The following SORCS2 variants were observed in gnomAD, a reference collection of about 807,000 sequenced individuals.
SORCS2 encodes the protein sortilin related VPS10 domain containing receptor 2.
In SORCS2, 100 loss-of-function variants were observed where a neutral mutation model predicts 141.6. That is an observed-to-expected ratio of 0.71 (90% CI 0.60 to 0.83). SORCS2 has a LOEUF of 0.83. Among genes scored for constraint, SORCS2 ranks in the 40% least tolerant of loss-of-function variants. The probability of loss-of-function intolerance (pLI) is 0.00; values close to 1 mark genes in which losing one functional copy is unlikely to be tolerated. For missense variants in SORCS2, 1,646 were observed against 1,560.2 expected (o/e 1.05, Z -0.93); for synonymous variants, 789 against 676.9 (o/e 1.17, Z -2.57).
At chr4:7,434,749 C>A in intron 2 of SORCS2, 3 of 1,613,142 alleles carry the variant, frequency 1.9e-6, no homozygotes, top group Non-Finnish European at 2.5e-6. Flanking sequence ...CCCCACAGCC[C>A]CGCACCTGGC....
chr4:7,203,043 G>A (rs1040750040), intron 1 of SORCS2, among the ~76,000 whole-genome samples: 6 of 152,252 alleles, frequency 3.9e-5, no homozygotes, highest in Middle Eastern at 3.4e-3. Flanking sequence ...AATAAGGTTC[G>A]GTGTGGCAGG....
chr4:7,536,982 T>C lies in SORCS2; in HGVS notation c.648+5353T>C, dbSNP rs184415233. Among the ~76,000 whole-genome samples, 307 of 152,282 alleles carry C rather than the reference T, an allele frequency of 2.0e-3. 2 individuals carry two copies. Among genetic ancestry groups the C allele is most frequent in the African/African-American group, 7.0e-3 (293 of 41,570 alleles). ...AACAGAAGCAATCACTGACACATGG[T>C]GCTTGAACCCAGGCCTGCCAGCCCC... On this transcript the variant is annotated intron_variant, in intron 3 of 26. Coordinates refer to ENST00000507866, the MANE Select transcript of SORCS2 (RefSeq NM_020777.3).
At chr4:7,246,107 A>C (rs1347971226) in intron 1 of SORCS2, among the ~76,000 whole-genome samples, 3 of 152,224 alleles carry the variant, frequency 2.0e-5, no homozygotes, top group African/African-American at 2.4e-5. Flanking sequence ...GCAACTTAGC[A>C]GTCATTCCAC....
intron 18 of SORCS2, 139 bp downstream of exon 18, chr4:7,718,322 T>TC: frequency 1.0e-6 from 1 of 954,464 alleles, no homozygotes; most frequent in Non-Finnish European, 1.5e-6. Context: ...CTGTCCAGAC[T>TC]GAAGGAGGCA....
rs114272196 is a variant in SORCS2 at position 7,402,884 on chromosome 4, C to T, written c.548+6529C>T. On this transcript the variant is annotated intron_variant, in intron 2 of 26. Transcript: ENST00000507866. Reference sequence around the variant, plus strand: ...CTCTGTGACTCACCTGCTCATATCTCGTGCCTGTCTTTTTACATTGGGTTG... The same window carrying T: ...CTCTGTGACTCACCTGCTCATATCTTGTGCCTGTCTTTTTACATTGGGTTG... 5.2e-3 allele frequency among the ~76,000 whole-genome samples: 798 copies of T among 152,060 alleles called. 5 individuals carry two copies. Among genetic ancestry groups the T allele is most frequent in the Non-Finnish European group, 7.8e-3 (531 of 67,990 alleles).
chr4:7,513,913 C>A (rs1732814902), intron 2 of SORCS2, among the ~76,000 whole-genome samples: 1 of 152,164 alleles, frequency 6.6e-6, no homozygotes, highest in African/African-American at 2.4e-5. Flanking sequence ...GGTGCTGTGG[C>A]TGGAGGCGGG....
At chr4:7,309,413 T>C (rs1415641336) in intron 1 of SORCS2, among the ~76,000 whole-genome samples, 1 of 152,082 alleles carries the variant, frequency 6.6e-6, no homozygotes, top group Non-Finnish European at 1.5e-5. Flanking sequence ...CTTTAGCAAG[T>C]GTGAGAACGC....
chr4:7,324,654 C>T (rs557624450), intron 1 of SORCS2, among the ~76,000 whole-genome samples: 9 of 152,138 alleles, frequency 5.9e-5, no homozygotes, highest in Non-Finnish European at 1.0e-4. Context: ...CCAGGCCAGG[C>T]GATGGGCTTT....
chr4:7,667,288 C>G lies in SORCS2; in HGVS notation c.1161+75C>G. On this transcript the variant is annotated intron_variant, in intron 8 of 26. Transcript: ENST00000507866. ...TCCTGACTCATGGGGCAACAGGACT[C>G]ACACACAGGTGCTTGGCGGTCCCAG... 7 of 1,370,082 alleles carry G rather than the reference C, an allele frequency of 5.1e-6. 1 individual carries two copies. The South Asian group carries it at 8.4e-5, about 16-fold the overall frequency. The allele number at this position is 1,370,082 out of a possible 1,614,324, so 84.9% of individuals were successfully genotyped here. A position where few individuals can be genotyped will look rare whatever the true frequency, so the allele number is the denominator to read the frequency against.
intron 16 of SORCS2, 117 bp downstream of exon 16, chr4:7,714,490 T>A (rs2109040795): frequency 1.7e-6 from 2 of 1,168,632 alleles, no homozygotes; most frequent in East Asian, 5.2e-5. Flanking sequence ...TAACCTGGTG[T>A]CACAGTCGCA....
At chr4:7,497,141 CCTCAGGCTTGAGGATCCGCATGGCG>C (rs1419666719) in intron 2 of SORCS2, among the ~76,000 whole-genome samples, 4 of 152,228 alleles carry the variant, frequency 2.6e-5, no homozygotes, top group South Asian at 2.1e-4. Context: ...GTGGCCGAAG[CCTCAGGCTTGAGGATCCGCATGGCG>C]CTCTCTTCCC....
intron 1 of SORCS2, among the ~76,000 whole-genome samples, chr4:7,266,410 C>G (rs1280408507): frequency 6.6e-6 from 1 of 152,200 alleles, no homozygotes; most frequent in African/African-American, 2.4e-5. Context: ...TCCTGCCCTC[C>G]TCCCTTCTTT....
intron 18 of SORCS2, among the ~76,000 whole-genome samples, chr4:7,723,300 G>T (rs550627580): frequency 6.6e-6 from 1 of 152,100 alleles, no homozygotes; most frequent in Non-Finnish European, 1.5e-5. Flanking sequence ...CTCCCCTGCC[G>T]AAACCCTCCT....
intron 1 of SORCS2, among the ~76,000 whole-genome samples, chr4:7,210,141 G>T (rs1727978026): frequency 6.6e-6 from 1 of 152,240 alleles, no homozygotes; most frequent in Non-Finnish European, 1.5e-5. Flanking sequence ...CCCAGAGAAG[G>T]ACGTCATCAG....
intron 2 of SORCS2, among the ~76,000 whole-genome samples, chr4:7,484,244 G>T (rs6831289): frequency 6.6e-6 from 1 of 152,170 alleles, no homozygotes; most frequent in African/African-American, 2.4e-5. Flanking sequence ...CGTATTTTCC[G>T]AGGTGATCGA....
intron 2 of SORCS2, among the ~76,000 whole-genome samples, chr4:7,446,144 G>A (rs1727977783): frequency 6.6e-6 from 1 of 151,038 alleles, no homozygotes; most frequent in Non-Finnish European, 1.5e-5. Context: ...CAGACTGGGG[G>A]TTGGAGGGAT....
chr4:7,235,078 G>T (rs114802954), intron 1 of SORCS2, among the ~76,000 whole-genome samples: 2 of 152,222 alleles, frequency 1.3e-5, no homozygotes, highest in Non-Finnish European at 2.9e-5. Flanking sequence ...ATCCCGTGAG[G>T]GTCTGAACTC....
Position 7,725,606 on chromosome 4 carries a change from C to T in SORCS2, c.2745+319C>T, listed in dbSNP as rs190451169. Among the ~76,000 whole-genome samples the T allele has an allele frequency of 1.2e-4, 19 of 152,262 alleles. No individual in the cohort carries two copies. The East Asian group carries it at 2.7e-3, about 22-fold the overall frequency. ...GGTAGGTGGGCTGCATGAGAGCTCCCGGAAAGGAGAGAGCATTTGCAGTGA... is the reference window on the plus strand; with the variant it reads ...GGTAGGTGGGCTGCATGAGAGCTCCTGGAAAGGAGAGAGCATTTGCAGTGA... On this transcript the variant is annotated intron_variant, in intron 20 of 26. Coordinates refer to ENST00000507866, the MANE Select transcript of SORCS2 (RefSeq NM_020777.3).
At chr4:7,197,523 T>C (rs1341211351) in intron 1 of SORCS2, among the ~76,000 whole-genome samples, 1 of 152,138 alleles carries the variant, frequency 6.6e-6, no homozygotes, top group East Asian at 1.9e-4. Context: ...GAAGACTGCA[T>C]GGAAGAGGGC....
Sources: allele counts gnomAD v4.1 joint callset (sites outside exome capture counted in the v4.1 genomes callset), GRCh38; gene constraint gnomAD v4.1.1; transcripts MANE v1.5; gene names NCBI Gene and HGNC (gene_info 2026-07-23, HGNC 2026-07-21).